ASIC2: variants seen among roughly 807,000 people sequenced by gnomAD.
ASIC2 encodes acid-sensing ion channel 2.
A neutral mutation model predicts 57.3 loss-of-function variants in ASIC2; 25 were observed. That is an observed-to-expected ratio of 0.44 (90% CI 0.32 to 0.61). The LOEUF (loss-of-function observed/expected upper bound fraction) is 0.61, where lower values mean the gene tolerates loss of function less well. Ranked by LOEUF, ASIC2 falls within the 20% of genes least tolerant of loss-of-function variation. The pLI is 0.06. For synonymous variants in ASIC2, 319 were observed against 307.5 expected, an observed-to-expected ratio of 1.04 and a Z score of -0.39; for missense variants, 641 against 738.1, an observed-to-expected ratio of 0.87 and a Z score of 1.52.
At chr17:33,124,486 C>CT (rs1386372412) in intron 1 of ASIC2, among the ~76,000 whole-genome samples, 1 of 152,220 alleles carries the variant, frequency 6.6e-6, no homozygotes, top group Non-Finnish European at 1.5e-5. Context: ...TTGGCTGCCA[C>CT]TATGGGTCCT....
intron 1 of ASIC2, among the ~76,000 whole-genome samples, chr17:33,668,773 A>G (rs1907559547): frequency 6.6e-6 from 1 of 152,170 alleles, no homozygotes; most frequent in African/African-American, 2.4e-5. Context: ...GAGTTAGTAC[A>G]TGTAAAGTGT....
At chr17:33,027,723 C>G (rs1043519614) in intron 4 of ASIC2, among the ~76,000 whole-genome samples, 1 of 152,256 alleles carries the variant, frequency 6.6e-6, no homozygotes, top group African/African-American at 2.4e-5. Flanking sequence ...TTCCACTCTG[C>G]ACTTCAGCCT....
chr17:33,613,369 CTT>C (rs546720725), intron 1 of ASIC2, among the ~76,000 whole-genome samples: 66 of 126,814 alleles, frequency 5.2e-4, no homozygotes, highest in East Asian at 1.9e-3. Context: ...AATGTGTATT[CTT>C]TTTTTTTTTT....
chr17:33,501,842 G>T (rs1377547129), intron 1 of ASIC2, among the ~76,000 whole-genome samples: 1 of 152,226 alleles, frequency 6.6e-6, no homozygotes, highest in African/African-American at 2.4e-5. Flanking sequence ...CTTTGGCTTT[G>T]TCTGTATAGT....
At chr17:33,187,803 C>T (rs1906254252) in intron 1 of ASIC2, among the ~76,000 whole-genome samples, 1 of 151,330 alleles carries the variant, frequency 6.6e-6, no homozygotes, top group Admixed American at 6.6e-5. Flanking sequence ...TAATTGCATC[C>T]CAGGACAAGG....
chr17:33,113,976 C>T (rs917892612), intron 1 of ASIC2, among the ~76,000 whole-genome samples: 4 of 152,228 alleles, frequency 2.6e-5, no homozygotes, highest in Admixed American at 6.5e-5. Context: ...CTTTTCTCAT[C>T]AGTCCATCAA....
rs570729706 is a variant in ASIC2 at position 33,214,670 on chromosome 17, C to T, written c.708+76738G>A. Among the ~76,000 whole-genome samples, 3 of 79,084 alleles carry T rather than the reference C, an allele frequency of 3.8e-5. No individual in the cohort carries two copies. The South Asian group carries it at 9.5e-4, about 25-fold the overall frequency. 51.9% of individuals were successfully genotyped at this position (79,084 alleles called of 152,430 possible). A position where few individuals can be genotyped will look rare whatever the true frequency, so the allele number is the denominator to read the frequency against. On this transcript the variant is annotated intron_variant, in intron 1 of 9. Coordinates refer to ENST00000225823, the MANE Select transcript of ASIC2 (RefSeq NM_183377.2). The stretch of plus-strand genomic sequence containing the variant: ...GTGATAGGTCTGGGGTGGCCTGAAA[C>T]TCTGCCTTTATAAGTTCCCAGGTGA...
At chr17:33,871,695 G>T (rs1914414464) in intron 1 of ASIC2, among the ~76,000 whole-genome samples, 2 of 152,160 alleles carry the variant, frequency 1.3e-5, no homozygotes, top group Admixed American at 6.5e-5. Context: ...CTCAGAAGGG[G>T]ACTTTGCCAC....
At chr17:33,773,349 A>C (rs4261592) in intron 1 of ASIC2, among the ~76,000 whole-genome samples, 124,004 of 152,054 alleles carry the variant, frequency 0.82, 50,926 homozygotes, top group Non-Finnish European at 0.85. Context: ...CACACCCCAG[A>C]TTGCCATTAA....
At chr17:33,378,921 C>G (rs973582445) in intron 1 of ASIC2, among the ~76,000 whole-genome samples, 2 of 152,160 alleles carry the variant, frequency 1.3e-5, no homozygotes, top group African/African-American at 4.8e-5. Flanking sequence ...TTGTGAGTGA[C>G]CTGGGGCAAG....
chr17:33,910,732 G>A (rs1184508976), intron 1 of ASIC2, among the ~76,000 whole-genome samples: 1 of 152,158 alleles, frequency 6.6e-6, no homozygotes, highest in Non-Finnish European at 1.5e-5. Context: ...CACCTATCAT[G>A]GACTGCCTCT....
intron 1 of ASIC2, among the ~76,000 whole-genome samples, chr17:33,840,994 C>A (rs1002804156): frequency 3.3e-5 from 5 of 151,956 alleles, no homozygotes; most frequent in Non-Finnish European, 5.9e-5. Context: ...GACTTTATAG[C>A]AAGTGGAGGA....
At chr17:34,022,626 C>T (rs1430700426) in intron 1 of ASIC2, among the ~76,000 whole-genome samples, 2 of 136,214 alleles carry the variant, frequency 1.5e-5, no homozygotes, top group Non-Finnish European at 3.1e-5. Context: ...TGCAATTTCC[C>T]ATGAAAAAAA....
intron 1 of ASIC2, among the ~76,000 whole-genome samples, chr17:33,480,985 T>G (rs2881566): frequency 6.6e-6 from 1 of 152,222 alleles, no homozygotes; most frequent in Non-Finnish European, 1.5e-5. Flanking sequence ...CTCAACTGTC[T>G]TCTGTCACCC....
At chr17:33,807,119 G>T (rs1912290368) in intron 1 of ASIC2, among the ~76,000 whole-genome samples, 2 of 152,158 alleles carry the variant, frequency 1.3e-5, no homozygotes, top group South Asian at 4.1e-4. Context: ...ATGCAGAAAT[G>T]CTCAATCAGC....
At chr17:33,677,966 C>G (rs1411845179) in intron 1 of ASIC2, among the ~76,000 whole-genome samples, 1 of 152,180 alleles carries the variant, frequency 6.6e-6, no homozygotes, top group Non-Finnish European at 1.5e-5. Flanking sequence ...TGCTACCGAA[C>G]AGAATTGCAT....
chr17:33,627,737 C>A lies in ASIC2; in HGVS notation c.556-515670G>T, dbSNP rs143485461. Among the ~76,000 whole-genome samples the A allele has an allele frequency of 1.8e-3, 274 of 152,290 alleles. 2 individuals are homozygous for A. The highest frequency in any genetic ancestry group is 5.8e-3 in the African/African-American group (243 of 41,578). On this transcript the variant is annotated intron_variant, in intron 1 of 9. Coordinates refer to the ASIC2 transcript ENST00000359872. Reference sequence around the variant, plus strand: ...TGGTTTGCTGTTTTGATTTGAAAACCTAATATTTTTCAGGGATTTGATTTG... The same window carrying A: ...TGGTTTGCTGTTTTGATTTGAAAACATAATATTTTTCAGGGATTTGATTTG...
At chr17:34,102,223 G>C (rs943805357) in intron 1 of ASIC2, among the ~76,000 whole-genome samples, 2 of 151,996 alleles carry the variant, frequency 1.3e-5, no homozygotes, top group South Asian at 4.1e-4. Flanking sequence ...CCAGCTACTC[G>C]GGAGGCTGAG....
In ASIC2 at chr17:33,737,543, G is replaced by A. The variant is rs139836289; in HGVS notation, c.555+418435C>T. ...TCACTGCTAATTGTAAACTGAGACC[G>A]CTTATAGGTTTATTTAACTTCTTTG... On this transcript the variant is annotated intron_variant, in intron 1 of 9. Coordinates refer to the ASIC2 transcript ENST00000359872. 2.6e-3 allele frequency among the ~76,000 whole-genome samples: 391 copies of A among 151,798 alleles called. 1 individual carries two copies. The highest frequency in any genetic ancestry group is 7.9e-3 in the South Asian group (38 of 4,796).
Sources: gnomAD v4.1 joint callset for allele counts (sites outside exome capture counted in the v4.1 genomes callset) on GRCh38, gnomAD v4.1.1 for gene constraint, MANE v1.5 for transcripts, NCBI Gene and HGNC (gene_info 2026-07-23, HGNC 2026-07-21) for gene names.